ST6GAL2: variants seen among roughly 807,000 people sequenced by gnomAD.
ST6GAL2 encodes ST6 beta-galactoside alpha-2,6-sialyltransferase 2, also known as beta-galactoside alpha-2,6-sialyltransferase 2.
A neutral mutation model predicts 37.5 loss-of-function variants in ST6GAL2; 24 were observed. The ratio of observed to expected loss-of-function variants is 0.64; its 90% CI spans 0.46 to 0.90. The LOEUF (loss-of-function observed/expected upper bound fraction) is 0.90. Ranked by LOEUF, ST6GAL2 falls within the 40% of genes least tolerant of loss-of-function variation. ST6GAL2 has a pLI of 0.00. For synonymous variants in ST6GAL2, 306 were observed against 295.1 expected (o/e 1.04, Z -0.38); for missense variants, 715 against 712.7 (o/e 1.00, Z -0.04).
rs926681684 is a variant in ST6GAL2, at chr2:106,802,933, A to G, written c.*3745T>C. ...AAAAACTGGAGAGAGAACTTGAATC[A>G]TGGCATTTGTGCGTATGAAATTCAA... is the stretch of plus-strand genomic sequence containing the variant. On this transcript the variant is annotated 3_prime_UTR_variant, in exon 6 of 6. Transcript: ENST00000409382. The G allele has an allele frequency of 6.6e-6, 1 of 152,192 alleles. No homozygotes were observed. The highest frequency in any genetic ancestry group is 1.5e-5 in the Non-Finnish European group (1 of 68,048). 9.4% of individuals were successfully genotyped at this position (152,192 alleles called of 1,614,324 possible).
At chr2:106,812,528 CACAT>C (rs1229622778) in intron 5 of ST6GAL2, among the ~76,000 whole-genome samples, 1 of 152,196 alleles carries the variant, frequency 6.6e-6, no homozygotes, top group East Asian at 1.9e-4. Context: ...AAACAGCACA[CACAT>C]AGTGAACCAC....
At chr2:106,863,055 G>C (rs1447650734) in intron 1 of ST6GAL2, among the ~76,000 whole-genome samples, 1 of 151,736 alleles carries the variant, frequency 6.6e-6, no homozygotes, top group Non-Finnish European at 1.5e-5. Context: ...CTCCCTTGGT[G>C]GTTTGCCATC....
chr2:106,806,991 A>C, intron 5 of ST6GAL2, 42 bp from the exon 6 acceptor site: 1 of 1,542,234 alleles, frequency 6.5e-7, no homozygotes, highest in Non-Finnish European at 8.8e-7. Flanking sequence ...GAACAACTCC[A>C]TGTGAGAGGG....
chr2:106,823,313 T>C (rs1676075140), intron 5 of ST6GAL2, among the ~76,000 whole-genome samples: 1 of 151,964 alleles, frequency 6.6e-6, no homozygotes. Context: ...ACTAGATCAA[T>C]GACAATTCTG....
chr2:106,833,188 C>CT (rs35648777), intron 3 of ST6GAL2, among the ~76,000 whole-genome samples: 50 of 148,544 alleles, frequency 3.4e-4, no homozygotes, highest in African/African-American at 4.7e-4. Context: ...TTTTAAGATA[C>CT]TTTTTTTTTT....
intron 1 of ST6GAL2, among the ~76,000 whole-genome samples, chr2:106,884,096 A>G (rs1280673532): frequency 6.6e-6 from 1 of 152,172 alleles, no homozygotes; most frequent in Non-Finnish European, 1.5e-5. Flanking sequence ...ACACACTGAA[A>G]TCATCTCAGA....
intron 1 of ST6GAL2, among the ~76,000 whole-genome samples, chr2:106,863,172 C>T (rs66485668): frequency 0.35 from 53,854 of 151,956 alleles, 10,304 homozygotes; most frequent in Non-Finnish European, 0.44. Flanking sequence ...GGTTACAAAG[C>T]TAGCTGGAGG....
At chr2:106,848,525 T>C (rs1677234838) in intron 1 of ST6GAL2, among the ~76,000 whole-genome samples, 1 of 152,098 alleles carries the variant, frequency 6.6e-6, no homozygotes, top group Non-Finnish European at 1.5e-5. Flanking sequence ...TGGTGGGAAG[T>C]GAAACAACAA....
At chr2:106,862,514 C>G (rs1422864066) in intron 1 of ST6GAL2, among the ~76,000 whole-genome samples, 1 of 151,936 alleles carries the variant, frequency 6.6e-6, no homozygotes, top group Non-Finnish European at 1.5e-5. Context: ...AGGCTTATTA[C>G]TTTGATTTCG....
At chr2:106,877,900 C>A (rs1264570430) in intron 1 of ST6GAL2, among the ~76,000 whole-genome samples, 1 of 152,204 alleles carries the variant, frequency 6.6e-6, no homozygotes, top group East Asian at 1.9e-4. Flanking sequence ...TAAGGAACAG[C>A]CTTGTGACCA....
At chr2:106,823,507 C>CGA (rs61605062) in intron 5 of ST6GAL2, among the ~76,000 whole-genome samples, 80,839 of 136,582 alleles carry the variant, frequency 0.59, 23,789 homozygotes, top group Non-Finnish European at 0.7. Context: ...AGAGAGAGAT[C>CGA]GAGAGAGAGA....
intron 1 of ST6GAL2, among the ~76,000 whole-genome samples, chr2:106,848,851 T>A: frequency 6.6e-6 from 1 of 152,228 alleles, no homozygotes; most frequent in East Asian, 1.9e-4. Flanking sequence ...TGCCTTTTTG[T>A]TCCTGCAAAT....
intron 2 of ST6GAL2, among the ~76,000 whole-genome samples, chr2:106,839,978 A>G (rs1676808173): frequency 6.6e-6 from 1 of 152,210 alleles, no homozygotes. Context: ...TGTGTGACCC[A>G]GTTCCAACAG....
At chr2:106,809,436 C>T (rs192229592) in intron 5 of ST6GAL2, among the ~76,000 whole-genome samples, 26 of 152,264 alleles carry the variant, frequency 1.7e-4, no homozygotes, top group African/African-American at 7.2e-5. Context: ...CAATGGCGTC[C>T]GTAAGGACTG....
At position 106,805,184 on chromosome 2, in the gene ST6GAL2, CT is replaced by C. The variant is rs1404852272; in HGVS notation, c.*1493del. ...GAAACCAATCCTGAAACAAAGAAAA[CT>C]TTTCCACTAAACTCTCCTGACATTC... is the stretch of plus-strand genomic sequence containing the variant. On this transcript the variant is annotated 3_prime_UTR_variant, in exon 6 of 6. Coordinates refer to ENST00000409382, the MANE Select transcript of ST6GAL2 (RefSeq NM_001142351.2). The C allele has an allele frequency of 1.3e-5, 2 of 152,172 alleles. No individual in the cohort carries two copies. The highest frequency in any genetic ancestry group is 1.3e-4 in the Admixed American group (2 of 15,284). 9.4% of individuals were successfully genotyped at this position (152,172 alleles called of 1,614,324 possible). A position where few individuals can be genotyped will look rare whatever the true frequency, so the allele number is the denominator to read the frequency against.
At chr2:106,832,740 A>C in intron 3 of ST6GAL2, 74 bp from the exon 4 acceptor site, 1 of 970,464 alleles carries the variant, frequency 1.0e-6, no homozygotes, top group Non-Finnish European at 1.7e-6. Context: ...AAGAGGTGAA[A>C]ATTAAAAAGA....
At chr2:106,862,152 T>A (rs1677826233) in intron 1 of ST6GAL2, among the ~76,000 whole-genome samples, 1 of 152,248 alleles carries the variant, frequency 6.6e-6, no homozygotes, top group Admixed American at 6.5e-5. Context: ...CCGTATATGA[T>A]ATGCAGCTTA....
intron 1 of ST6GAL2, among the ~76,000 whole-genome samples, chr2:106,862,901 T>G (rs971494467): frequency 6.9e-6 from 1 of 144,410 alleles, no homozygotes; most frequent in Non-Finnish European, 1.5e-5. Context: ...CTAATTAATT[T>G]GATAAAATAT....
chr2:106,811,510 A>G (rs1456196076), intron 5 of ST6GAL2, among the ~76,000 whole-genome samples: 2 of 152,214 alleles, frequency 1.3e-5, no homozygotes, highest in Non-Finnish European at 2.9e-5. Context: ...TTGGCAATTT[A>G]GAGCACCTTT....
Sources: allele counts gnomAD v4.1 joint callset (sites outside exome capture counted in the v4.1 genomes callset), GRCh38; gene constraint gnomAD v4.1.1; transcripts MANE v1.5; gene names NCBI Gene and HGNC (gene_info 2026-07-23, HGNC 2026-07-21).